Variants in XKR9 observed in about 807,000 individuals in gnomAD.
XKR9 encodes the protein XK-related protein 9.
XKR9 carries 32 observed loss-of-function variants against 32.0 expected under a neutral mutation model. The ratio of observed to expected loss-of-function variants is 1.00; its 90% CI spans 0.76 to 1.34. The LOEUF is 1.34. Among genes scored for constraint, XKR9 ranks in the 40% most tolerant of loss-of-function variants. The probability of loss-of-function intolerance (pLI) is 0.00; values close to 1 mark genes in which losing one functional copy is unlikely to be tolerated. For synonymous variants in XKR9, 168 were observed against 143.4 expected, an observed-to-expected ratio of 1.17 and a Z score of -1.22; for missense variants, 546 against 429.7, an observed-to-expected ratio of 1.27 and a Z score of -2.39.
the XKR9 span, among the ~76,000 whole-genome samples, chr8:71,014,182 A>G: frequency 1.3e-5 from 2 of 152,202 alleles, no homozygotes; most frequent in Non-Finnish European, 2.9e-5. Flanking sequence ...CCTTTCCCAA[A>G]GGAAGCCTAA....
chr8:71,013,761 T>G, the XKR9 span, among the ~76,000 whole-genome samples: 2 of 152,148 alleles, frequency 1.3e-5, no homozygotes, highest in Non-Finnish European at 2.9e-5. Context: ...TTGTGTGTTC[T>G]GAGAAATTAG....
chr8:70,919,287 T>C, the XKR9 span, among the ~76,000 whole-genome samples: 1 of 152,208 alleles, frequency 6.6e-6, no homozygotes, highest in Non-Finnish European at 1.5e-5. Flanking sequence ...TGAGCTGATA[T>C]GTGAAAACAT....
chr8:70,751,972 A>G (rs911148205), intron 2 of XKR9, among the ~76,000 whole-genome samples: 3 of 152,122 alleles, frequency 2.0e-5, no homozygotes, highest in South Asian at 4.1e-4. Context: ...TTTATATCCT[A>G]TTGGTTCTGT....
the XKR9 span, among the ~76,000 whole-genome samples, chr8:70,840,396 T>C: frequency 6.6e-6 from 1 of 152,104 alleles, no homozygotes; most frequent in African/African-American, 2.4e-5. Context: ...CATTGATATG[T>C]ATGTATCAAG....
the XKR9 span, among the ~76,000 whole-genome samples, chr8:70,855,485 C>A: frequency 3.1e-4 from 47 of 152,216 alleles, no homozygotes; most frequent in African/African-American, 1.1e-3. Flanking sequence ...TGTGAAAAGA[C>A]CAAATCTACG....
the XKR9 span, among the ~76,000 whole-genome samples, chr8:70,910,847 T>C: frequency 2.0e-5 from 3 of 152,232 alleles, no homozygotes; most frequent in South Asian, 4.1e-4. Context: ...CATGTGCTTG[T>C]AGGACTGACG....
At chr8:70,849,331 A>G in the XKR9 span, among the ~76,000 whole-genome samples, 6 of 152,232 alleles carry the variant, frequency 3.9e-5, no homozygotes, top group Non-Finnish European at 7.3e-5. Context: ...CTGCAAAACT[A>G]CATGGAAACT....
the XKR9 span, among the ~76,000 whole-genome samples, chr8:70,822,786 CAG>C: frequency 6.6e-6 from 1 of 151,950 alleles, no homozygotes; most frequent in South Asian, 2.1e-4. Flanking sequence ...GCAAACAGAG[CAG>C]ACTCTCCCCC....
At chr8:70,845,328 G>C in the XKR9 span, among the ~76,000 whole-genome samples, 7 of 152,206 alleles carry the variant, frequency 4.6e-5, no homozygotes, top group Non-Finnish European at 7.3e-5. Flanking sequence ...TGGAAGAAGT[G>C]ACTGTTACAC....
chr8:70,986,695 G>A, the XKR9 span, among the ~76,000 whole-genome samples: 2 of 152,138 alleles, frequency 1.3e-5, no homozygotes, highest in African/African-American at 4.8e-5. Context: ...CATCTGTTCT[G>A]GATATATTTT....
intron 2 of XKR9, among the ~76,000 whole-genome samples, chr8:70,741,437 A>G (rs1446470063): frequency 6.6e-6 from 1 of 152,212 alleles, no homozygotes; most frequent in African/African-American, 2.4e-5. Flanking sequence ...TAAATTACCC[A>G]GTCCCTGGTA....
the XKR9 span, among the ~76,000 whole-genome samples, chr8:70,844,774 G>A: frequency 6.6e-6 from 1 of 152,318 alleles, no homozygotes; most frequent in East Asian, 1.9e-4. Flanking sequence ...TGTGCCACCT[G>A]GAAGTTTGGG....
chr8:71,056,694 A>C, the XKR9 span, among the ~76,000 whole-genome samples: 1 of 152,234 alleles, frequency 6.6e-6, no homozygotes, highest in African/African-American at 2.4e-5. Flanking sequence ...TCTGAGAAAA[A>C]ATACTAAGTG....
At chr8:71,060,443 C>T in the XKR9 span, among the ~76,000 whole-genome samples, 2 of 152,188 alleles carry the variant, frequency 1.3e-5, no homozygotes, top group African/African-American at 2.4e-5. Flanking sequence ...TTCACTCACC[C>T]ACCCTGAAAT....
chr8:71,023,705 T>C, the XKR9 span, among the ~76,000 whole-genome samples: 1 of 152,060 alleles, frequency 6.6e-6, no homozygotes, highest in Non-Finnish European at 1.5e-5. Flanking sequence ...TTGTGGGACA[T>C]CCCTCAGGCT....
the XKR9 span, among the ~76,000 whole-genome samples, chr8:70,881,107 A>T: frequency 7.2e-5 from 11 of 152,334 alleles, no homozygotes; most frequent in South Asian, 2.1e-3. Context: ...TTCACCTTAT[A>T]CAAAAATTAA....
the XKR9 span, among the ~76,000 whole-genome samples, chr8:71,063,327 GA>G: frequency 6.6e-6 from 1 of 152,100 alleles, no homozygotes; most frequent in African/African-American, 2.4e-5. Flanking sequence ...ATTCACACGA[GA>G]AGTAAAATGG....
chr8:70,911,802 C>A, the XKR9 span, among the ~76,000 whole-genome samples: 3 of 152,146 alleles, frequency 2.0e-5, no homozygotes, highest in Non-Finnish European at 4.4e-5. Flanking sequence ...TCAGAGAAGG[C>A]TCCTTTTAGG....
At chr8:70,918,938 C>T in the XKR9 span, among the ~76,000 whole-genome samples, 3 of 151,612 alleles carry the variant, frequency 2.0e-5, no homozygotes, top group East Asian at 3.9e-4. Context: ...CCACCACGCC[C>T]GGCTAATTTT....
Sources: allele counts gnomAD v4.1 joint callset (sites outside exome capture counted in the v4.1 genomes callset), GRCh38; gene constraint gnomAD v4.1.1; transcripts MANE v1.5; gene names NCBI Gene and HGNC (gene_info 2026-07-23, HGNC 2026-07-21).